SEMA5A: variants seen among roughly 807,000 people sequenced by gnomAD.
The protein encoded by SEMA5A is semaphorin-5A.
SEMA5A carries 55 observed loss-of-function variants against 135.5 expected under a neutral mutation model. The observed-to-expected ratio is 0.41, with a 90% CI of 0.33 to 0.51. SEMA5A has a LOEUF of 0.51. SEMA5A is among the 20% of genes least tolerant of loss of function. The pLI is 0.37. For synonymous variants in SEMA5A, 580 were observed against 546.5 expected, an observed-to-expected ratio of 1.06 and a Z score of -0.85; for missense variants, 1,290 against 1,419.9, an observed-to-expected ratio of 0.91 and a Z score of 1.47.
At chr5:9,468,372 C>T (rs955283339) in intron 1 of SEMA5A, among the ~76,000 whole-genome samples, 2 of 152,158 alleles carry the variant, frequency 1.3e-5, no homozygotes, top group African/African-American at 4.8e-5. Flanking sequence ...TAGGGCTCCT[C>T]CTGAATGGTG....
At chr5:9,449,465 G>A (rs1758555337) in intron 1 of SEMA5A, among the ~76,000 whole-genome samples, 1 of 151,934 alleles carries the variant, frequency 6.6e-6, no homozygotes, top group South Asian at 2.1e-4. Flanking sequence ...ATGGATGCTG[G>A]GCTTAATACC....
At chr5:9,122,559 C>T (rs1028876493) in intron 14 of SEMA5A, 97 bp downstream of exon 14, 1 of 1,254,490 alleles carries the variant, frequency 8.0e-7, no homozygotes, top group African/African-American at 1.5e-5. Flanking sequence ...CCACAGTTCT[C>T]TCCAAAAGGG....
At chr5:9,254,173 C>G (rs1748942723) in intron 5 of SEMA5A, among the ~76,000 whole-genome samples, 1 of 152,108 alleles carries the variant, frequency 6.6e-6, no homozygotes, top group South Asian at 2.1e-4. Context: ...TACTGAGCAC[C>G]TATTATGTAA....
intron 5 of SEMA5A, among the ~76,000 whole-genome samples, chr5:9,246,952 A>G (rs1173014881): frequency 6.6e-6 from 1 of 152,204 alleles, no homozygotes; most frequent in Non-Finnish European, 1.5e-5. Flanking sequence ...CCTAAAACAA[A>G]AAGAAATTTC....
At chr5:9,345,500 T>C (rs939349628) in intron 3 of SEMA5A, among the ~76,000 whole-genome samples, 4 of 142,972 alleles carry the variant, frequency 2.8e-5, no homozygotes, top group African/African-American at 1.1e-4. Flanking sequence ...TATGGATATA[T>C]ATTTATAACA....
At chr5:9,160,573 T>C (rs1000641957) in intron 11 of SEMA5A, among the ~76,000 whole-genome samples, 3 of 152,240 alleles carry the variant, frequency 2.0e-5, no homozygotes, top group African/African-American at 7.2e-5. Context: ...TTCAGTGGCA[T>C]GCCTGCCAAT....
intron 16 of SEMA5A, among the ~76,000 whole-genome samples, chr5:9,107,180 C>T (rs1739965185): frequency 6.6e-6 from 1 of 152,274 alleles, no homozygotes; most frequent in South Asian, 2.1e-4. Flanking sequence ...CTCCATCAAA[C>T]CTTTGCCACT....
intron 2 of SEMA5A, among the ~76,000 whole-genome samples, chr5:9,419,010 A>G (rs955232654): frequency 8.5e-5 from 13 of 152,194 alleles, no homozygotes; most frequent in South Asian, 2.1e-4. Context: ...TCTTGGGGCT[A>G]CATGCTTTCC....
rs1016926891 is a variant in SEMA5A, at chr5:9,038,229, C to T, written c.*4668G>A. On this transcript the variant is annotated 3_prime_UTR_variant, in exon 23 of 23. Transcript: ENST00000382496. The stretch of plus-strand genomic sequence containing the variant: ...TGCATATAGTTAAGGTTATTAGTAC[C>T]GTCATAGAAATTGATTATTGGAGGT... The T allele has an allele frequency of 2.0e-5, 3 of 152,146 alleles. No individual in the cohort carries two copies. Among genetic ancestry groups the T allele is most frequent in the South Asian group, 2.1e-4 (1 of 4,826 alleles). 9.4% of individuals were successfully genotyped at this position (152,146 alleles called of 1,614,324 possible).
chr5:9,190,535 C>A (rs905423554), intron 10 of SEMA5A, 64 bp from the exon 11 acceptor site: 48 of 1,483,850 alleles, frequency 3.2e-5, no homozygotes, highest in Admixed American at 8.5e-5. Flanking sequence ...CTGGCTGTGG[C>A]CACCCTAGCT....
intron 17 of SEMA5A, among the ~76,000 whole-genome samples, chr5:9,065,339 G>C (rs1274360631): frequency 6.6e-6 from 1 of 152,180 alleles, no homozygotes; most frequent in Non-Finnish European, 1.5e-5. Context: ...CCGTCACACA[G>C]AGCCACACTG....
chr5:9,095,405 T>A (rs926889982), intron 16 of SEMA5A, among the ~76,000 whole-genome samples: 5 of 152,130 alleles, frequency 3.3e-5, no homozygotes, highest in South Asian at 2.1e-4. Context: ...ATAAAAAAAT[T>A]AAAAATAAAA....
chr5:9,311,195 T>C (rs1179354271), intron 5 of SEMA5A, among the ~76,000 whole-genome samples: 1 of 151,626 alleles, frequency 6.6e-6, no homozygotes, highest in East Asian at 1.9e-4. Flanking sequence ...CCACCCCTGG[T>C]CTCTACACGC....
At chr5:9,530,899 G>A (rs1737398587) in intron 1 of SEMA5A, among the ~76,000 whole-genome samples, 1 of 152,128 alleles carries the variant, frequency 6.6e-6, no homozygotes, top group South Asian at 2.1e-4. Context: ...CAGTCAGCAG[G>A]GAAGCCTCCT....
intron 1 of SEMA5A, among the ~76,000 whole-genome samples, chr5:9,438,908 C>A (rs1758131342): frequency 2.6e-5 from 4 of 152,182 alleles, no homozygotes; most frequent in Admixed American, 2.6e-4. Context: ...AAATGTTATA[C>A]CTGCTGAAGT....
At chr5:9,364,791 C>T (rs1439747760) in intron 3 of SEMA5A, among the ~76,000 whole-genome samples, 1 of 152,186 alleles carries the variant, frequency 6.6e-6, no homozygotes, top group Non-Finnish European at 1.5e-5. Flanking sequence ...TTCTCCCAAA[C>T]TTGTTGTGAC....
At chr5:9,190,882 T>G (rs1485460398) in intron 10 of SEMA5A, among the ~76,000 whole-genome samples, 1 of 152,176 alleles carries the variant, frequency 6.6e-6, no homozygotes, top group Non-Finnish European at 1.5e-5. Context: ...GGATCTCATA[T>G]AGATGTATTA....
At chr5:9,182,507 T>G (rs191326626) in intron 11 of SEMA5A, among the ~76,000 whole-genome samples, 69 of 152,278 alleles carry the variant, frequency 4.5e-4, no homozygotes, top group Middle Eastern at 6.8e-3. Flanking sequence ...TTCTGTACTG[T>G]ATATTTGCTT....
chr5:9,440,852 T>C (rs1579544727), intron 1 of SEMA5A, among the ~76,000 whole-genome samples: 1 of 152,308 alleles, frequency 6.6e-6, no homozygotes, highest in Non-Finnish European at 1.5e-5. Context: ...ATGGCAGAAA[T>C]TAACATGCCA....
Sources: gnomAD v4.1 joint callset for allele counts (sites outside exome capture counted in the v4.1 genomes callset) on GRCh38, gnomAD v4.1.1 for gene constraint, MANE v1.5 for transcripts, NCBI Gene and HGNC (gene_info 2026-07-23, HGNC 2026-07-21) for gene names.